KLC4: variants seen among roughly 807,000 people sequenced by gnomAD.
KLC4 encodes the protein kinesin light chain 4.
Under a neutral mutation model 77.2 loss-of-function variants are expected in KLC4, and 49 were observed. The observed-to-expected ratio is 0.63, with a 90% CI of 0.50 to 0.80. The LOEUF (loss-of-function observed/expected upper bound fraction) is 0.80, where lower values mean the gene tolerates loss of function less well. KLC4 is among the 30% of genes least tolerant of loss of function. The probability of loss-of-function intolerance (pLI) is 0.00; values close to 1 mark genes in which losing one functional copy is unlikely to be tolerated. For synonymous variants in KLC4, 274 were observed against 314.5 expected, an observed-to-expected ratio of 0.87 and a Z score of 1.36; for missense variants, 669 against 793.5, an observed-to-expected ratio of 0.84 and a Z score of 1.89.
In KLC4 at chr6:43,072,244, TC is replaced by T. The variant is rs747412705; in HGVS notation, c.1480del (p.Arg494GlyfsTer34). ...GACCCTGGAGGAATGTGCCCTGCGGTCCCGGAGACAGGTCAGAAGCCCAGAG... is the reference window on the plus strand; with the variant it reads ...GACCCTGGAGGAATGTGCCCTGCGGTCCGGAGACAGGTCAGAAGCCCAGAG... ...AETLEECALR[S>X]RRQGTDPISQ... On this transcript the variant is annotated frameshift_variant, in exon 12 of 16. Coordinates refer to ENST00000347162, the MANE Select transcript of KLC4 (RefSeq NM_201521.3). LOFTEE classifies it high-confidence loss of function. The T allele has an allele frequency of 1.2e-5, 20 of 1,613,552 alleles. No individual in the cohort carries two copies. Among genetic ancestry groups the T allele is most frequent in the South Asian group, 5.5e-5 (5 of 91,058 alleles).
At chr6:43,060,456 C>T in intron 1 of KLC4, 1 of 1,412,904 alleles carries the variant, frequency 7.1e-7, no homozygotes, top group Non-Finnish European at 9.3e-7. Context: ...GCCAGGTCCT[C>T]TGGGTAGCTG....
intron 4 of KLC4, 30 bp from the exon 5 acceptor site, chr6:43,066,276 G>A (rs377429730): frequency 3.2e-6 from 5 of 1,578,080 alleles, no homozygotes; most frequent in East Asian, 4.5e-5. Flanking sequence ...GAGAGGAAGA[G>A]TCCTTTGTTT....
chr6:43,061,737 C>CCAAA, intron 2 of KLC4, 144 bp downstream of exon 2: 1 of 868,008 alleles, frequency 1.2e-6, no homozygotes, highest in Non-Finnish European at 1.7e-6. Context: ...TACTGTGTGC[C>CCAAA]AGAATGCTTT....
rs755241904 is a variant in KLC4, at chr6:43,070,720, CA to C, written c.1014del (p.Lys338AsnfsTer3). ...CTGGGCACGAATCATCCAGATGTGG[CA>C]AAACAGCTGAACAACCTGGCCCTCT... ...KVLGTNHPDV[A>X]KQLNNLALLC... is the part of the protein sequence containing the mutation. On this transcript the variant is annotated frameshift_variant, in exon 8 of 16. Transcript: ENST00000347162. LOFTEE classifies it high-confidence loss of function. 7 of 1,613,768 alleles carry C rather than the reference CA, an allele frequency of 4.3e-6. No individual in the cohort carries two copies. In the East Asian group the frequency reaches 1.1e-4, roughly 26 times the overall value.
In KLC4 at chr6:43,066,286, T is replaced by C. The variant is rs758227659; in HGVS notation, c.572-20T>C. 1.9e-6 allele frequency: 3 copies of C among 1,602,924 alleles called. No individual in the cohort carries two copies. In the East Asian group the frequency reaches 6.7e-5, roughly 36 times the overall value. ...AAGGGGAGAGGAAGAGTCCTTTGTT[T>C]ATGTTCTGTGATGGTTTAGTGTCCC... is the stretch of plus-strand genomic sequence containing the variant. On this transcript the variant is annotated intron_variant, in intron 4 of 15. Coordinates refer to ENST00000347162, the MANE Select transcript of KLC4 (RefSeq NM_201521.3).
chr6:43,070,850 G>A lies in KLC4; in HGVS notation c.1140G>A (p.Arg380=), dbSNP rs1220406550. The change falls in exon 8 of 16, where the codon CGG becomes CGA. Residue 380 remains arginine (R), a synonymous_variant. Transcript: ENST00000347162. ...QLGPDNPNVA[R]TKNNLASCYL... ...GGCCGGACAACCCTAATGTAGCCCG[G>A]ACCAAGAACAACCTGGTATGGGAGG... 1 of 1,453,532 alleles carries A rather than the reference G, an allele frequency of 6.9e-7. No individual in the cohort carries two copies. Among genetic ancestry groups the A allele is most frequent in the South Asian group, 1.1e-5 (1 of 89,008 alleles). 90.0% of individuals were successfully genotyped at this position (1,453,532 alleles called of 1,614,324 possible).
In KLC4 at chr6:43,074,825, C is replaced by T. The variant is rs1765911370; in HGVS notation, c.*153C>T. On this transcript the variant is annotated 3_prime_UTR_variant, in exon 16 of 16. Coordinates refer to ENST00000347162, the MANE Select transcript of KLC4 (RefSeq NM_201521.3). The stretch of plus-strand genomic sequence containing the variant: ...TGCTGCTGCCCTTAGGGTCTCAGCT[C>T]CCTCCTCAGGAATCCCTCTTAGGAA... 8.9e-6 allele frequency: 6 copies of T among 672,016 alleles called. No individual in the cohort carries two copies. Among genetic ancestry groups the T allele is most frequent in the African/African-American group, 1.8e-5 (1 of 56,422 alleles). 41.6% of individuals were successfully genotyped at this position (672,016 alleles called of 1,614,324 possible). A position where few individuals can be genotyped will look rare whatever the true frequency, so the allele number is the denominator to read the frequency against.
chr6:43,065,581 G>A lies in KLC4; in HGVS notation c.490-39G>A. The A allele has an allele frequency of 2.9e-6, 4 of 1,397,664 alleles. No individual in the cohort carries two copies. The South Asian group carries it at 3.5e-5, about 12-fold the overall frequency. The allele number at this position is 1,397,664 out of a possible 1,614,324, so 86.6% of individuals were successfully genotyped here. On this transcript the variant is annotated intron_variant, in intron 3 of 15. Coordinates refer to ENST00000347162, the MANE Select transcript of KLC4 (RefSeq NM_201521.3). ...GGTCACTGAGAAGGCTACTAGGTAG[G>A]GATATCTTGGCCCTTATATGTTGCT...
At chr6:43,064,753 C>CA in intron 3 of KLC4, among the ~76,000 whole-genome samples, 2 of 152,270 alleles carry the variant, frequency 1.3e-5, no homozygotes, top group South Asian at 4.1e-4. Flanking sequence ...GCATAGGACA[C>CA]ATTGGTGAAG....
rs143587178 is a variant in KLC4, at chr6:43,067,059, C to G, written c.855C>G (p.Ser285Arg). 3.8e-4 allele frequency: 615 copies of G among 1,614,060 alleles called. 1 individual carries two copies. The highest frequency in any genetic ancestry group is 1.2e-4 in the Admixed American group (7 of 60,016). Reference sequence around the variant, plus strand: ...ATGATGCCCTTAGCATCCGGGAGAGCACCTTGGGACCTGACCATCCTGCTG... The same window carrying G: ...ATGATGCCCTTAGCATCCGGGAGAGGACCTTGGGACCTGACCATCCTGCTG... ...LLNDALSIRE[S>R]TLGPDHPAVA... Residue 285 changes from serine to arginine, a missense_variant, in exon 6 of 16, where the codon AGC (serine) becomes AGG (arginine). Ser to Arg is a moderately radical substitution (Grantham distance 110). Transcript: ENST00000347162.
rs779140171 is a variant in KLC4, at chr6:43,074,638, G to A, written c.1826G>A (p.Ser609Asn). ...CTGTTTCAGGTCTCCCGGGGCCTCAGTGCCAGCACCATGGACCTCTCTTCA... is the reference window on the plus strand; with the variant it reads ...CTGTTTCAGGTCTCCCGGGGCCTCAATGCCAGCACCATGGACCTCTCTTCA... ...AAPLQVSRGL[S>N]ASTMDLSSSS The change falls in exon 16 of 16, where the codon AGT becomes AAT. Residue 609 changes from serine (S) to asparagine (N), a missense_variant. By Grantham distance (46) the Ser-to-Asn change is conservative. Transcript: ENST00000347162. The A allele has an allele frequency of 1.2e-5, 19 of 1,614,040 alleles. No homozygotes were observed. The highest frequency in any genetic ancestry group is 1.6e-5 in the Non-Finnish European group (19 of 1,180,002).
At chr6:43,067,423 A>G (rs987710841) in intron 6 of KLC4, 3 of 320,302 alleles carry the variant, frequency 9.4e-6, no homozygotes, top group African/African-American at 6.4e-5. Context: ...AATATATACA[A>G]TGTAATATAA....
intron 2 of KLC4, 71 bp downstream of exon 2, chr6:43,061,664 G>T: frequency 6.8e-7 from 1 of 1,467,834 alleles, no homozygotes; most frequent in Non-Finnish European, 9.2e-7. Flanking sequence ...AAAGGTTTGG[G>T]GCTGCTTGGG....
chr6:43,067,101 T>TCCCCCCCCC lies in KLC4; in HGVS notation c.879+22_879+23insCCCCCCCCC. The stretch of plus-strand genomic sequence containing the variant: ...ATCCTGCTGTCAGTATTCCTTGCCC[T>TCCCCCCCCC]CCCCACCCCACGCCCCGCACCCCCC... On this transcript the variant is annotated intron_variant, in intron 6 of 15. Coordinates refer to ENST00000347162, the MANE Select transcript of KLC4 (RefSeq NM_201521.3). 13 of 1,584,702 alleles carry TCCCCCCCCC rather than the reference T, an allele frequency of 8.2e-6. No individual in the cohort carries two copies. Among genetic ancestry groups the TCCCCCCCCC allele is most frequent in the East Asian group, 2.3e-5 (1 of 44,100 alleles).
rs1014150163 is a variant in KLC4, at chr6:43,067,170, C to T, written c.879+87C>T. ...TCTCTTAGCTCATCCATCTGCTGCC[C>T]TCAGTCCACTCACTAAGGGTGCTGA... On this transcript the variant is annotated intron_variant, in intron 6 of 15. Coordinates refer to ENST00000347162, the MANE Select transcript of KLC4 (RefSeq NM_201521.3). The T allele has an allele frequency of 3.9e-6, 6 of 1,552,562 alleles. No homozygotes were observed. In the African/African-American group the frequency reaches 5.4e-5, roughly 14 times the overall value.
At chr6:43,071,452 C>G (rs1353813076) in intron 9 of KLC4, 78 bp downstream of exon 9, 7 of 1,533,802 alleles carry the variant, frequency 4.6e-6, no homozygotes, top group Non-Finnish European at 6.3e-6. Context: ...TAGGCCACAG[C>G]GGTTCCCAGG....
chr6:43,072,503 T>C (rs1765781943), intron 12 of KLC4, among the ~76,000 whole-genome samples: 1 of 152,100 alleles, frequency 6.6e-6, no homozygotes, highest in Non-Finnish European at 1.5e-5. Context: ...ACCCTGCCCT[T>C]TCATAAGGAG....
At position 43,066,433 on chromosome 6, in the gene KLC4, C is replaced by G; in HGVS notation, c.699C>G (p.Leu233=). Residue 233 remains leucine, a synonymous_variant, in exon 5 of 16, where the codon CTC becomes CTG. Transcript: ENST00000347162. ...AQGRYEVAVP[L]CKQALEDLER... is the part of the protein sequence containing the mutation. ...GTCGCTATGAGGTGGCCGTGCCACT[C>G]TGTAAGCAGGCACTAGAGGACCTGG... 1.9e-6 allele frequency: 3 copies of G among 1,614,180 alleles called. No individual in the cohort carries two copies. The highest frequency in any genetic ancestry group is 1.7e-5 in the Admixed American group (1 of 60,026).
At position 43,061,350 on chromosome 6, in the gene KLC4, G is replaced by T; in HGVS notation, c.15G>T (p.Val5=). MSGL[V]LGQRDEPAGH... ...CCCAGGCCAGGATGTCAGGCCTGGT[G>T]TTGGGGCAGCGGGATGAGCCTGCAG... The change falls in exon 2 of 16, where the codon GTG becomes GTT. Residue 5 remains valine (V), a synonymous_variant. Transcript: ENST00000347162. 1 of 1,613,666 alleles carries T rather than the reference G, an allele frequency of 6.2e-7. No homozygotes were observed. Among genetic ancestry groups the T allele is most frequent in the Non-Finnish European group, 8.5e-7 (1 of 1,180,016 alleles).
Sources: gnomAD v4.1 joint callset for allele counts (sites outside exome capture counted in the v4.1 genomes callset) on GRCh38, gnomAD v4.1.1 for gene constraint, MANE v1.5 for transcripts, NCBI Gene and HGNC (gene_info 2026-07-23, HGNC 2026-07-21) for gene names.